The following WARS2 variants were observed in gnomAD, a reference collection of about 807,000 sequenced individuals.
WARS2 encodes tryptophanyl tRNA synthetase 2, mitochondrial.
In WARS2, 28 loss-of-function variants were observed where a neutral mutation model predicts 36.5. The observed-to-expected ratio is 0.77, with a 90% CI of 0.57 to 1.05. The LOEUF (loss-of-function observed/expected upper bound fraction) is 1.05. Ranked by LOEUF, WARS2 falls within the 50% of genes least tolerant of loss-of-function variation. WARS2 has a pLI of 0.00. For missense variants in WARS2, 435 were observed against 456.8 expected (o/e 0.95, Z 0.44); for synonymous variants, 174 against 178.4 (o/e 0.98, Z 0.20).
chr1:119,099,398 G>A (rs1411105118), intron 1 of WARS2, among the ~76,000 whole-genome samples: 2 of 152,178 alleles, frequency 1.3e-5, no homozygotes, highest in East Asian at 1.9e-4. Context: ...ATCAGATGTT[G>A]TATGATGACT....
intron 1 of WARS2, among the ~76,000 whole-genome samples, chr1:119,117,654 G>A (rs749395755): frequency 5.9e-5 from 9 of 152,124 alleles, no homozygotes; most frequent in African/African-American, 1.7e-4. Context: ...TGCACTAAAC[G>A]AAACTACAAC....
chr1:119,101,598 C>G (rs180679842), intron 1 of WARS2, among the ~76,000 whole-genome samples: 51 of 152,252 alleles, frequency 3.3e-4, no homozygotes, highest in African/African-American at 1.2e-3. Flanking sequence ...GAAGTAAACC[C>G]ACATGTCCTC....
chr1:119,089,607 G>C (rs1652904733), intron 1 of WARS2, among the ~76,000 whole-genome samples: 1 of 152,122 alleles, frequency 6.6e-6, no homozygotes. Context: ...CACAGAATAA[G>C]CTCTCAGTAA....
chr1:119,096,800 A>C (rs1320001681), intron 1 of WARS2, among the ~76,000 whole-genome samples: 1 of 152,208 alleles, frequency 6.6e-6, no homozygotes, highest in African/African-American at 2.4e-5. Context: ...AAAAAATCAA[A>C]TAGCGCTCTC....
intron 1 of WARS2, among the ~76,000 whole-genome samples, chr1:119,105,503 G>A (rs138665201): frequency 1.3e-3 from 200 of 152,214 alleles, no homozygotes; most frequent in African/African-American, 4.2e-3. Context: ...CTTAGGAGCC[G>A]CCAACTCATA....
intron 1 of WARS2, among the ~76,000 whole-genome samples, chr1:119,118,628 A>G (rs937814082): frequency 3.3e-5 from 5 of 152,186 alleles, no homozygotes; most frequent in South Asian, 2.1e-4. Context: ...GCACATAGTC[A>G]TCAGTTTATC....
chr1:119,089,265 C>G (rs1443042019), intron 1 of WARS2, among the ~76,000 whole-genome samples: 2 of 152,174 alleles, frequency 1.3e-5, no homozygotes, highest in Non-Finnish European at 2.9e-5. Context: ...CTAATCATGG[C>G]TCCCTTTCTC....
chr1:119,135,251 T>A (rs943682162), intron 1 of WARS2, among the ~76,000 whole-genome samples: 2 of 152,200 alleles, frequency 1.3e-5, no homozygotes, highest in Non-Finnish European at 2.9e-5. Context: ...TCAAACTACA[T>A]CTTAAGAAAT....
At chr1:119,107,815 T>C (rs917411879) in intron 1 of WARS2, among the ~76,000 whole-genome samples, 26 of 152,102 alleles carry the variant, frequency 1.7e-4, no homozygotes, top group African/African-American at 6.0e-4. Context: ...GCTGCAGGTC[T>C]TTCACAGGCA....
chr1:119,138,856 A>G (rs1240915726), intron 1 of WARS2, among the ~76,000 whole-genome samples: 1 of 152,232 alleles, frequency 6.6e-6, no homozygotes, highest in Non-Finnish European at 1.5e-5. Context: ...ATCTAGATTA[A>G]TAATTAACTT....
intron 1 of WARS2, among the ~76,000 whole-genome samples, chr1:119,115,293 G>A (rs1438085825): frequency 6.6e-6 from 1 of 152,048 alleles, no homozygotes; most frequent in Admixed American, 6.6e-5. Flanking sequence ...ATTAAAATAT[G>A]GTCTTTTTTT....
chr1:119,056,557 T>C (rs1412569108), intron 2 of WARS2, among the ~76,000 whole-genome samples: 1 of 148,198 alleles, frequency 6.7e-6, no homozygotes, highest in East Asian at 1.9e-4. Context: ...ATACTAAATA[T>C]ATATATTATA....
At chr1:119,049,201 G>T (rs984424759) in intron 2 of WARS2, among the ~76,000 whole-genome samples, 5 of 152,180 alleles carry the variant, frequency 3.3e-5, no homozygotes, top group Non-Finnish European at 7.3e-5. Flanking sequence ...GCACACCAGC[G>T]GGCCACTGAC....
intron 4 of WARS2, among the ~76,000 whole-genome samples, chr1:119,041,601 G>T (rs1648373101): frequency 6.6e-6 from 1 of 152,148 alleles, no homozygotes; most frequent in Non-Finnish European, 1.5e-5. Flanking sequence ...CAGTTCCTCT[G>T]TGGCACTAGC....
At chr1:119,052,955 TG>T in intron 2 of WARS2, among the ~76,000 whole-genome samples, 1 of 152,356 alleles carries the variant, frequency 6.6e-6, no homozygotes, top group African/African-American at 2.4e-5. Context: ...AGATTCTTCC[TG>T]AACATGGTGT....
At chr1:119,043,221 G>GTA (rs1275450383) in intron 3 of WARS2, among the ~76,000 whole-genome samples, 3 of 150,858 alleles carry the variant, frequency 2.0e-5, no homozygotes, top group African/African-American at 7.5e-5. Flanking sequence ...AAGGCCTAAG[G>GTA]TATAGCATCT....
At chr1:119,050,448 T>A (rs1649246395) in intron 2 of WARS2, among the ~76,000 whole-genome samples, 1 of 152,172 alleles carries the variant, frequency 6.6e-6, no homozygotes, top group African/African-American at 2.4e-5. Context: ...TAATAGAACA[T>A]AAGTAGCATG....
intron 1 of WARS2, among the ~76,000 whole-genome samples, chr1:119,090,769 G>T (rs1652986396): frequency 6.6e-6 from 1 of 152,116 alleles, no homozygotes; most frequent in African/African-American, 2.4e-5. Flanking sequence ...GGTAGCACAT[G>T]CCTGTAGTAC....
intron 4 of WARS2, among the ~76,000 whole-genome samples, chr1:119,041,568 C>A (rs1464749869): frequency 6.6e-6 from 1 of 152,092 alleles, no homozygotes; most frequent in Non-Finnish European, 1.5e-5. Context: ...AAATTTAATT[C>A]AAATTAAATA....
Sources: allele counts gnomAD v4.1 joint callset (sites outside exome capture counted in the v4.1 genomes callset), GRCh38; gene constraint gnomAD v4.1.1; transcripts MANE v1.5; gene names NCBI Gene and HGNC (gene_info 2026-07-23, HGNC 2026-07-21).